PTPN4: variants seen among roughly 807,000 people sequenced by gnomAD.
PTPN4 encodes the protein tyrosine-protein phosphatase non-receptor type 4.
In PTPN4, 49 loss-of-function variants were observed where a neutral mutation model predicts 135.5. That is an observed-to-expected ratio of 0.36 (90% CI 0.29 to 0.46). PTPN4 has a LOEUF of 0.46. Ranked by LOEUF, PTPN4 falls within the 20% of genes least tolerant of loss-of-function variation. The pLI, the probability that PTPN4 is intolerant of heterozygous loss-of-function variation, is 1.00. For missense variants in PTPN4, 860 were observed against 1,101.0 expected (o/e 0.78, Z 3.10); for synonymous variants, 333 against 369.9 (o/e 0.90, Z 1.14).
chr2:119,767,477 C>T (rs1326915544), intron 1 of PTPN4, among the ~76,000 whole-genome samples: 1 of 152,196 alleles, frequency 6.6e-6, no homozygotes, highest in African/African-American at 2.4e-5. Flanking sequence ...TATAACACTA[C>T]CTTCAGGTCG....
At chr2:119,888,730 T>C (rs1178315904) in intron 9 of PTPN4, among the ~76,000 whole-genome samples, 2 of 152,208 alleles carry the variant, frequency 1.3e-5, no homozygotes, top group Non-Finnish European at 2.9e-5. Context: ...TTTGGTTTGC[T>C]AGTACTTTGT....
rs990501074 is a variant in PTPN4 at position 119,881,926 on chromosome 2, T to C, written c.413+96T>C. The C allele has an allele frequency of 1.2e-5, 13 of 1,123,856 alleles. No homozygotes were observed. The African/African-American group carries it at 1.7e-4, about 15-fold the overall frequency. The allele number at this position is 1,123,856 out of a possible 1,614,324, so 69.6% of individuals were successfully genotyped here. On this transcript the variant is annotated intron_variant, in intron 6 of 26. Coordinates refer to ENST00000263708, the MANE Select transcript of PTPN4 (RefSeq NM_002830.4). ...GTAATTCATGGTCATTGCAAACAAATTATTTAAGAAGGTTACATGTAGTGT... is the reference window on the plus strand; with the variant it reads ...GTAATTCATGGTCATTGCAAACAAACTATTTAAGAAGGTTACATGTAGTGT...
At chr2:119,829,399 C>T (rs1399579268) in intron 2 of PTPN4, among the ~76,000 whole-genome samples, 1 of 152,206 alleles carries the variant, frequency 6.6e-6, no homozygotes, top group Non-Finnish European at 1.5e-5. Context: ...ATTAAGTTCA[C>T]AATGTTGTAT....
intron 12 of PTPN4, among the ~76,000 whole-genome samples, chr2:119,920,611 A>C (rs1678723104): frequency 1.3e-5 from 2 of 152,176 alleles, no homozygotes; most frequent in African/African-American, 4.8e-5. Context: ...AAAACTATAT[A>C]ATTATTGTTT....
intron 2 of PTPN4, among the ~76,000 whole-genome samples, chr2:119,813,433 G>T (rs1676933535): frequency 6.6e-6 from 1 of 151,884 alleles, no homozygotes; most frequent in South Asian, 2.1e-4. Context: ...TTTTAGTAGA[G>T]ACAGGGTTTC....
chr2:119,763,502 C>T (rs1306856268), intron 1 of PTPN4, among the ~76,000 whole-genome samples: 3 of 152,098 alleles, frequency 2.0e-5, no homozygotes, highest in Non-Finnish European at 4.4e-5. Context: ...TTATTAATCC[C>T]CTGTCCTCTC....
At chr2:119,928,526 A>G (rs761203200) in intron 13 of PTPN4, among the ~76,000 whole-genome samples, 1 of 152,168 alleles carries the variant, frequency 6.6e-6, no homozygotes, top group African/African-American at 2.4e-5. Flanking sequence ...TTGCACTGCA[A>G]TATGAGGGGG....
At chr2:119,798,359 G>A (rs939117005) in intron 1 of PTPN4, among the ~76,000 whole-genome samples, 7 of 151,996 alleles carry the variant, frequency 4.6e-5, no homozygotes, top group African/African-American at 1.7e-4. Flanking sequence ...TAGAGACAGG[G>A]TTTCACCATG....
chr2:119,760,121 TA>T lies in PTPN4; in HGVS notation c.-280del, dbSNP rs1291101260. On this transcript the variant is annotated 5_prime_UTR_variant, in exon 1 of 27. Transcript: ENST00000263708. ...CCCACGCACTTTTGGGGGTGTGGAT[TA>T]TCTCATCCCTGCAGGGAGGTAGGAG... The T allele has an allele frequency of 2.6e-6, 1 of 390,056 alleles. No individual in the cohort carries two copies. Among genetic ancestry groups the T allele is most frequent in the African/African-American group, 2.1e-5 (1 of 48,240 alleles). 24.2% of individuals were successfully genotyped at this position (390,056 alleles called of 1,614,324 possible).
chr2:119,969,668 G>C (rs1399956957), intron 26 of PTPN4, among the ~76,000 whole-genome samples: 3 of 141,366 alleles, frequency 2.1e-5, no homozygotes, highest in African/African-American at 5.3e-5. Flanking sequence ...ACACCATTCT[G>C]CTGCCTCAGC....
At chr2:119,823,870 T>C (rs1462310110) in intron 2 of PTPN4, among the ~76,000 whole-genome samples, 1 of 152,214 alleles carries the variant, frequency 6.6e-6, no homozygotes, top group African/African-American at 2.4e-5. Context: ...TGCTATTGTT[T>C]TATGGTAAAC....
chr2:119,836,083 G>T (rs199986523), intron 2 of PTPN4, among the ~76,000 whole-genome samples: 1 of 140,862 alleles, frequency 7.1e-6, no homozygotes, highest in Non-Finnish European at 1.5e-5. Flanking sequence ...AAAAAAAAAA[G>T]AAAGAAATAT....
At chr2:119,806,680 T>C (rs972768797) in intron 1 of PTPN4, among the ~76,000 whole-genome samples, 3 of 151,994 alleles carry the variant, frequency 2.0e-5, no homozygotes, top group Admixed American at 1.3e-4. Flanking sequence ...AGGCAGAAGG[T>C]TAGAAAGAAT....
At chr2:119,937,824 C>G (rs1679005639) in intron 15 of PTPN4, among the ~76,000 whole-genome samples, 1 of 152,058 alleles carries the variant, frequency 6.6e-6, no homozygotes, top group South Asian at 2.1e-4. Context: ...CCAGCTTACT[C>G]AGGAGGCTGA....
intron 26 of PTPN4, among the ~76,000 whole-genome samples, chr2:119,972,284 C>T (rs1193846360): frequency 6.6e-6 from 1 of 151,974 alleles, no homozygotes; most frequent in Non-Finnish European, 1.5e-5. Flanking sequence ...AGCATGAACA[C>T]AGGATGGTCT....
In PTPN4 at chr2:119,932,422, A is replaced by G; in HGVS notation, c.1071-2A>G. The G allele has an allele frequency of 6.3e-7, 1 of 1,599,160 alleles. No individual in the cohort carries two copies. The highest frequency in any genetic ancestry group is 2.3e-5 in the East Asian group (1 of 44,354). On this transcript the variant is annotated splice_acceptor_variant, in intron 13 of 26. Coordinates refer to ENST00000263708, the MANE Select transcript of PTPN4 (RefSeq NM_002830.4). LOFTEE classifies it high-confidence loss of function. ...AACATATTATTTAATTTATTTCTGC[A>G]GATCCCCAAGTAAGCCCTTGGCACG...
Position 119,915,447 on chromosome 2 carries a change from A to G in PTPN4, c.828+205A>G, listed in dbSNP as rs1678640083. ...TGGTTCTAATTTAAAGTTCTTCTAG[A>G]TATTCCTCTTGCTGTTTCTCGAGCT... On this transcript the variant is annotated intron_variant, in intron 11 of 26. Transcript: ENST00000263708. 2.4e-5 allele frequency: 8 copies of G among 336,186 alleles called. No homozygotes were observed. The East Asian group carries it at 4.1e-4, about 17-fold the overall frequency. The allele number at this position is 336,186 out of a possible 1,614,324, so 20.8% of individuals were successfully genotyped here. A position where few individuals can be genotyped will look rare whatever the true frequency, so the allele number is the denominator to read the frequency against.
rs1166756671 is a variant in PTPN4 at position 119,931,070 on chromosome 2, A to T, written c.1071-1354A>T. Among the ~76,000 whole-genome samples the T allele has an allele frequency of 2.0e-5, 3 of 152,094 alleles. No homozygotes were observed. In the East Asian group the frequency reaches 5.8e-4, roughly 29 times the overall value. On this transcript the variant is annotated intron_variant, in intron 13 of 26. Transcript: ENST00000263708. ...TTTCTACCTAAATTTTTATGATCTG[A>T]TTTTTGTAGGAAGACAACAGGATGT... is the stretch of plus-strand genomic sequence containing the variant.
rs1678921923 is a variant in PTPN4, at chr2:119,932,553, AGTGTGAATTTTGTGACCAACATCAG to A, written c.1196+17_1196+41del. 2 of 1,597,120 alleles carry A rather than the reference AGTGTGAATTTTGTGACCAACATCAG, an allele frequency of 1.3e-6. No individual in the cohort carries two copies. The highest frequency in any genetic ancestry group is 1.7e-6 in the Non-Finnish European group (2 of 1,172,948). On this transcript the variant is annotated splice_donor_5th_base_variant and intron_variant, in intron 14 of 26. Transcript: ENST00000263708. ...CTCCACCGGGAACTCCTAATCAGTAAGTGTGAATTTTGTGACCAACATCAGGTGTGAATTTTGCTAATTTCTAATT... is the reference window on the plus strand; with the variant it reads ...CTCCACCGGGAACTCCTAATCAGTAAGTGTGAATTTTGCTAATTTCTAATT...
Sources: allele counts gnomAD v4.1 joint callset (sites outside exome capture counted in the v4.1 genomes callset), GRCh38; gene constraint gnomAD v4.1.1; transcripts MANE v1.5; gene names NCBI Gene and HGNC (gene_info 2026-07-23, HGNC 2026-07-21).